MOBP: variants seen among roughly 807,000 people sequenced by gnomAD.
MOBP encodes myelin associated oligodendrocyte basic protein.
Under a neutral mutation model 15.0 loss-of-function variants are expected in MOBP, and 5 were observed. The ratio of observed to expected loss-of-function variants is 0.33; its 90% CI spans 0.17 to 0.70. The LOEUF is 0.70. Ranked by LOEUF, MOBP falls within the 30% of genes least tolerant of loss-of-function variation. The probability of loss-of-function intolerance (pLI) is 0.67; values close to 1 mark genes in which losing one functional copy is unlikely to be tolerated. For synonymous variants in MOBP, 88 were observed against 99.0 expected (o/e 0.89, Z 0.66); for missense variants, 188 against 257.8 (o/e 0.73, Z 1.85).
chr3:39,508,827 A>G (rs536454), intron 4 of MOBP, among the ~76,000 whole-genome samples: 46,880 of 152,030 alleles, frequency 0.31, 9,484 homozygotes, highest in African/African-American at 0.58. Context: ...GATTACAGGC[A>G]TAAGCCACCG....
chr3:39,516,809 G>A (rs1053633059), downstream of MOBP, among the ~76,000 whole-genome samples: 1 of 152,174 alleles, frequency 6.6e-6, no homozygotes, highest in African/African-American at 2.4e-5. Context: ...AGAAAGAAAT[G>A]CAGAGTCTAA....
chr3:39,506,244 C>T (rs183639038), downstream of MOBP, among the ~76,000 whole-genome samples: 1 of 152,248 alleles, frequency 6.6e-6, no homozygotes, highest in East Asian at 1.9e-4. Flanking sequence ...CTACCTTAGA[C>T]AAATTTTAAA....
chr3:39,491,931 G>T (rs1407193192), intron 2 of MOBP, among the ~76,000 whole-genome samples: 2 of 152,102 alleles, frequency 1.3e-5, no homozygotes, highest in African/African-American at 4.8e-5. Context: ...TGTATGAGGG[G>T]CAGTGACACA....
At chr3:39,487,263 T>C (rs952093332) in intron 2 of MOBP, among the ~76,000 whole-genome samples, 4 of 152,108 alleles carry the variant, frequency 2.6e-5, no homozygotes, top group South Asian at 2.1e-4. Context: ...AATTTTGATG[T>C]AATCACTTTT....
downstream of MOBP, chr3:39,525,614 C>T (rs2043314944): frequency 6.6e-6 from 1 of 152,242 alleles, no homozygotes; most frequent in Non-Finnish European, 1.5e-5. Flanking sequence ...ACAACCATTC[C>T]TAGCCAAGTT....
At chr3:39,501,559 C>CTTCT (rs1157352869) in intron 2 of MOBP, among the ~76,000 whole-genome samples, 2 of 152,186 alleles carry the variant, frequency 1.3e-5, no homozygotes, top group Non-Finnish European at 2.9e-5. Context: ...TTGTGTCTGA[C>CTTCT]TTCTTTTGTT....
rs888254206 is a variant in MOBP at position 39,502,054 on chromosome 3, G to C, written c.-4-12G>C. On this transcript the variant is annotated splice_polypyrimidine_tract_variant and intron_variant, in intron 2 of 3. Transcript: ENST00000684792. This position sits in a 1 kb window ranked among gnomAD's most constrained non-coding sequence, Gnocchi z 6.3. ...ATGTCTCCTCCTGTCTCCTTGCATC[G>C]GCGATTTCCAGTGAGATGAGTCAGA... The C allele has an allele frequency of 6.2e-7, 1 of 1,612,260 alleles. No homozygotes were observed. The highest frequency in any genetic ancestry group is 1.3e-5 in the African/African-American group (1 of 74,966).
chr3:39,485,724 T>C (rs2042695780), intron 2 of MOBP, among the ~76,000 whole-genome samples: 1 of 152,202 alleles, frequency 6.6e-6, no homozygotes, highest in Admixed American at 6.5e-5. Context: ...GGTGGTTGAA[T>C]GGACCCACCT....
intron 2 of MOBP, among the ~76,000 whole-genome samples, chr3:39,483,100 A>G (rs1468313185): frequency 6.6e-6 from 1 of 152,186 alleles, no homozygotes; most frequent in African/African-American, 2.4e-5. Context: ...TACTTGTTTA[A>G]TGTGTGTCCT....
intron 2 of MOBP, among the ~76,000 whole-genome samples, chr3:39,500,623 A>G (rs1295960348): frequency 6.6e-6 from 1 of 152,190 alleles, no homozygotes; most frequent in Admixed American, 6.5e-5. Context: ...GCCAGGAGCC[A>G]CAGTGGGGTG....
intron 3 of MOBP, among the ~76,000 whole-genome samples, chr3:39,522,856 T>C (rs766018166): frequency 6.6e-6 from 1 of 152,226 alleles, no homozygotes; most frequent in Non-Finnish European, 1.5e-5. Flanking sequence ...ATCTGTGATT[T>C]AGGCAAAAAT....
intron 3 of MOBP, among the ~76,000 whole-genome samples, chr3:39,521,345 C>T (rs182136421): frequency 3.6e-4 from 55 of 152,288 alleles, no homozygotes; most frequent in Middle Eastern, 3.4e-3. Context: ...GGGAATGCAA[C>T]AGCCAGTTTT....
At chr3:39,493,162 G>C (rs1387001697) in intron 2 of MOBP, among the ~76,000 whole-genome samples, 3 of 152,176 alleles carry the variant, frequency 2.0e-5, no homozygotes, top group African/African-American at 7.2e-5. Context: ...AAAGGAGGAA[G>C]GGTGGGAAGA....
downstream of MOBP, chr3:39,525,209 G>C (rs2043309751): frequency 6.6e-6 from 1 of 152,190 alleles, no homozygotes; most frequent in Non-Finnish European, 1.5e-5. Context: ...GGACATATTT[G>C]TTTGAAGAGA....
intron 2 of MOBP, among the ~76,000 whole-genome samples, chr3:39,493,610 T>TTCTG (rs2042832523): frequency 6.6e-6 from 1 of 152,230 alleles, no homozygotes; most frequent in Non-Finnish European, 1.5e-5. Context: ...TGAGCACCTG[T>TTCTG]TCTGTATCAG....
intron 4 of MOBP, chr3:39,524,374 T>C (rs1289472669): frequency 6.6e-6 from 1 of 152,218 alleles, no homozygotes; most frequent in Non-Finnish European, 1.5e-5. Flanking sequence ...TTTTCCTCTT[T>C]GTCTTTGGTG....
chr3:39,497,001 C>G (rs945560660), intron 2 of MOBP, among the ~76,000 whole-genome samples: 1 of 152,142 alleles, frequency 6.6e-6, no homozygotes, highest in Admixed American at 6.5e-5. Context: ...TGGGGTTTCA[C>G]CATGTTGACC....
At chr3:39,476,565 G>A (rs761645898) in intron 1 of MOBP, among the ~76,000 whole-genome samples, 5 of 151,694 alleles carry the variant, frequency 3.3e-5, no homozygotes, top group South Asian at 2.1e-4. Flanking sequence ...GTATTTATTT[G>A]CTTAATTCTA....
chr3:39,488,527 C>T (rs2125639914), intron 2 of MOBP, among the ~76,000 whole-genome samples: 1 of 152,246 alleles, frequency 6.6e-6, no homozygotes, highest in South Asian at 2.1e-4. Flanking sequence ...TCTGACCTAC[C>T]CCAGACTAGT....
Sources: gnomAD v4.1 joint callset for allele counts (sites outside exome capture counted in the v4.1 genomes callset) on GRCh38, gnomAD v4.1.1 for gene constraint, Gnocchi (gnomAD v3.1) non-coding constraint, MANE v1.5 for transcripts, NCBI Gene and HGNC (gene_info 2026-07-23, HGNC 2026-07-21) for gene names.